MYH11: variants seen among roughly 807,000 people sequenced by gnomAD.
MYH11 encodes the protein myosin-11.
A neutral mutation model predicts 246.6 loss-of-function variants in MYH11; 80 were observed. The ratio of observed to expected loss-of-function variants is 0.32; its 90% CI spans 0.27 to 0.39. MYH11 has a LOEUF of 0.39. Among genes scored for constraint, MYH11 ranks in the 10% least tolerant of loss-of-function variants. MYH11 has a pLI of 1.00. For synonymous variants in MYH11, 1,071 were observed against 1,015.5 expected (o/e 1.05, Z -1.04); for missense variants, 2,158 against 2,546.8 (o/e 0.85, Z 3.29).
chr16:15,794,609 C>T (rs978461477), intron 4 of MYH11, among the ~76,000 whole-genome samples: 1 of 152,076 alleles, frequency 6.6e-6, no homozygotes, highest in Non-Finnish European at 1.5e-5. Context: ...CAAGATAGTT[C>T]GTGGTGGAGA....
chr16:15,732,266 T>C (rs767933581), intron 27 of MYH11, among the ~76,000 whole-genome samples: 1 of 151,970 alleles, frequency 6.6e-6, no homozygotes, highest in South Asian at 2.1e-4. Context: ...CCTGGCCTAC[T>C]TTTTTAAAAT....
chr16:15,749,983 G>C, intron 16 of MYH11, 155 bp downstream of exon 16: 1 of 938,354 alleles, frequency 1.1e-6, no homozygotes, highest in Non-Finnish European at 1.6e-6. Context: ...TTTTCCTCCA[G>C]GGATGGGGAA....
chr16:15,706,812 T>C (rs1208906687), intron 40 of MYH11, among the ~76,000 whole-genome samples: 3 of 152,216 alleles, frequency 2.0e-5, no homozygotes, highest in African/African-American at 7.2e-5. Context: ...ATTTGCTAAC[T>C]GGAAAAGCTT....
At chr16:15,721,394 A>C (rs1390914254) in intron 32 of MYH11, 28 bp downstream of exon 32, 2 of 1,612,328 alleles carry the variant, frequency 1.2e-6, no homozygotes, top group Admixed American at 3.3e-5. Flanking sequence ...CGAAACATGG[A>C]CGAGAAAAAC....
At chr16:15,801,104 G>A (rs2042874660) in intron 3 of MYH11, among the ~76,000 whole-genome samples, 1 of 152,078 alleles carries the variant, frequency 6.6e-6, no homozygotes, top group Admixed American at 6.5e-5. Flanking sequence ...TACTCAGAAG[G>A]CTGAGGCAGG....
chr16:15,728,430 C>T (rs966929651), intron 27 of MYH11, among the ~76,000 whole-genome samples: 8 of 152,180 alleles, frequency 5.3e-5, no homozygotes, highest in Non-Finnish European at 1.2e-4. Flanking sequence ...TCCTTCAAGG[C>T]AACAATCTGC....
At chr16:15,755,450 G>A (rs1046940431) in intron 14 of MYH11, among the ~76,000 whole-genome samples, 7 of 152,178 alleles carry the variant, frequency 4.6e-5, no homozygotes, top group East Asian at 1.9e-4. Context: ...GGCCCCGCCT[G>A]TTGGGTATAA....
At chr16:15,717,099 A>AC (rs550078773) in intron 38 of MYH11, 41 bp downstream of exon 38, 451 of 1,600,478 alleles carry the variant, frequency 2.8e-4, no homozygotes, top group Non-Finnish European at 3.8e-4. Flanking sequence ...GCTGTCCATC[A>AC]CCCCCCTGCA....
intron 37 of MYH11, chr16:15,718,043 C>T (rs948593944): frequency 3.6e-6 from 2 of 549,068 alleles, no homozygotes; most frequent in African/African-American, 1.9e-5. Context: ...CATCCCAAGG[C>T]CCGGACTCCA....
chr16:15,836,408 A>G lies in MYH11; in HGVS notation c.345+1500T>C, dbSNP rs184078736. On this transcript the variant is annotated intron_variant, in intron 2 of 40. Transcript: ENST00000300036. ...ATTTTTTATTGTCTTTTACTTATGT[A>G]TTTATTTAGAGATGAAGTTTTGCTC... is the stretch of plus-strand genomic sequence containing the variant. Among the ~76,000 whole-genome samples the G allele has an allele frequency of 5.8e-4, 88 of 152,224 alleles. No homozygotes were observed. In the East Asian group the frequency reaches 8.7e-3, roughly 15 times the overall value.
intron 10 of MYH11, among the ~76,000 whole-genome samples, chr16:15,762,253 G>A (rs888022805): frequency 6.6e-6 from 1 of 152,198 alleles, no homozygotes; most frequent in African/African-American, 2.4e-5. Flanking sequence ...AGGATTACAG[G>A]CATGAGCCAC....
At chr16:15,708,973 GTC>G (rs1453739297) in intron 40 of MYH11, 24 of 984,056 alleles carry the variant, frequency 2.4e-5, no homozygotes, top group Admixed American at 6.2e-5. Flanking sequence ...TTTTGAGATA[GTC>G]TCTGTCACCC....
intron 3 of MYH11, among the ~76,000 whole-genome samples, chr16:15,817,946 A>G (rs1299004888): frequency 6.6e-6 from 1 of 152,202 alleles, no homozygotes; most frequent in Non-Finnish European, 1.5e-5. Flanking sequence ...GTTCTTTTCT[A>G]TAAATAACTC....
chr16:15,746,077 C>A (rs2041410944), intron 19 of MYH11, among the ~76,000 whole-genome samples: 1 of 151,420 alleles, frequency 6.6e-6, no homozygotes, highest in Non-Finnish European at 1.5e-5. Flanking sequence ...CTACCATGCC[C>A]AGCTAATTTT....
intron 1 of MYH11, among the ~76,000 whole-genome samples, chr16:15,852,629 G>A (rs1194709018): frequency 2.0e-5 from 3 of 152,034 alleles, no homozygotes; most frequent in African/African-American, 4.8e-5. Context: ...GTGAGCCACT[G>A]CACCTGGTCT....
rs995580430 is a variant in MYH11 at position 15,803,776 on chromosome 16, C to G, written c.503-5089G>C. ...GCCCAGAGCAGGAGAGATTTATAGG[C>G]TCAGATGCTCACAGGGCCCCCAGGA... On this transcript the variant is annotated intron_variant, in intron 3 of 40. Transcript: ENST00000300036. Among the ~76,000 whole-genome samples, 15 of 152,200 alleles carry G rather than the reference C, an allele frequency of 9.9e-5. 1 individual carries two copies. Among genetic ancestry groups the G allele is most frequent in the African/African-American group, 3.6e-4 (15 of 41,446 alleles).
chr16:15,798,286 A>G (rs1429204889), intron 4 of MYH11, among the ~76,000 whole-genome samples: 1 of 152,234 alleles, frequency 6.6e-6, no homozygotes. Flanking sequence ...GTGACAGTTT[A>G]ACATCTTCCC....
intron 1 of MYH11, among the ~76,000 whole-genome samples, chr16:15,850,698 C>T (rs1187801537): frequency 6.6e-6 from 1 of 152,020 alleles, no homozygotes; most frequent in Non-Finnish European, 1.5e-5. Flanking sequence ...AGTTTGACAC[C>T]AGCCTGCGCA....
rs200092088 is a variant in MYH11 at position 15,790,339 on chromosome 16, C to CAA, written c.531-3609_531-3608dup. Among the ~76,000 whole-genome samples, 111 of 137,624 alleles carry CAA rather than the reference C, an allele frequency of 8.1e-4. 1 individual carries two copies. The South Asian group carries it at 0.01, about 13-fold the overall frequency. 90.3% of individuals were successfully genotyped at this position (137,624 alleles called of 152,430 possible). ...ACAAACAAACAAACAAACAGACAGA[C>CAA]AAAAAAAAAAACAAAGACATCAATG... On this transcript the variant is annotated intron_variant, in intron 4 of 40. Coordinates refer to ENST00000300036, the MANE Select transcript of MYH11 (RefSeq NM_002474.3).
Sources: allele counts gnomAD v4.1 joint callset (sites outside exome capture counted in the v4.1 genomes callset), GRCh38; gene constraint gnomAD v4.1.1; transcripts MANE v1.5; gene names NCBI Gene and HGNC (gene_info 2026-07-23, HGNC 2026-07-21).